MRLN: variants seen among roughly 807,000 people sequenced by gnomAD.
The protein encoded by MRLN is myoregulin.
chr10:59,737,949 C>T (rs768174558), intron 2 of MRLN: 4 of 152,028 alleles, frequency 2.6e-5, no homozygotes, highest in Non-Finnish European at 5.9e-5. Flanking sequence ...TTAAAATGAA[C>T]GTCAGTATCA....
intron 1 of MRLN, among the ~76,000 whole-genome samples, chr10:59,750,043 T>C (rs1053357596): frequency 1.4e-5 from 2 of 140,634 alleles, no homozygotes; most frequent in Non-Finnish European, 3.1e-5. Flanking sequence ...GGAACCTCCC[T>C]TGCTCTCTCT....
chr10:59,744,386 C>G (rs1177560518), intron 1 of MRLN: 1 of 152,110 alleles, frequency 6.6e-6, no homozygotes, highest in Non-Finnish European at 1.4e-5. Context: ...TGTCTCTGAC[C>G]AGCTGCTCCG....
chr10:59,743,875 G>A (rs939635996), intron 1 of MRLN, among the ~76,000 whole-genome samples: 2 of 152,122 alleles, frequency 1.3e-5, no homozygotes, highest in Non-Finnish European at 2.9e-5. Flanking sequence ...CATGTTGGCC[G>A]GGCTGGTCTC....
chr10:59,748,292 G>A (rs1450818760), intron 1 of MRLN, among the ~76,000 whole-genome samples: 1 of 152,058 alleles, frequency 6.6e-6, no homozygotes, highest in African/African-American at 2.4e-5. Context: ...ATGGTAAATG[G>A]ATTTTTTGTG....
At chr10:59,737,649 A>C (rs1356878864) in intron 2 of MRLN, among the ~76,000 whole-genome samples, 5 of 124,378 alleles carry the variant, frequency 4.0e-5, no homozygotes, top group South Asian at 2.5e-4. Flanking sequence ...GGTACTGATC[A>C]AAAAAAAAAA....
intron 1 of MRLN, among the ~76,000 whole-genome samples, chr10:59,739,880 T>A (rs1840963409): frequency 6.6e-6 from 1 of 151,906 alleles, no homozygotes; most frequent in African/African-American, 2.4e-5. Context: ...GATCACAAGG[T>A]CGGGAGTTCA....
At chr10:59,752,496 C>T (rs2070168679) in intron 1 of MRLN, among the ~76,000 whole-genome samples, 1 of 152,146 alleles carries the variant, frequency 6.6e-6, no homozygotes, top group African/African-American at 2.4e-5. Context: ...TGTATGTGGT[C>T]CAAGCCAGGG....
At chr10:59,750,212 C>T (rs971510151) in intron 1 of MRLN, among the ~76,000 whole-genome samples, 1 of 151,844 alleles carries the variant, frequency 6.6e-6, no homozygotes, top group Non-Finnish European at 1.5e-5. Flanking sequence ...GCTGGGATTA[C>T]AGGCTCCCAC....
intron 1 of MRLN, among the ~76,000 whole-genome samples, chr10:59,751,069 C>A (rs1230297871): frequency 6.6e-6 from 1 of 152,168 alleles, no homozygotes; most frequent in Non-Finnish European, 1.5e-5. Context: ...AACACACACT[C>A]CTTGGTATAA....
chr10:59,752,416 TG>T (rs1420257640), intron 1 of MRLN, among the ~76,000 whole-genome samples: 2 of 152,232 alleles, frequency 1.3e-5, no homozygotes, highest in East Asian at 3.8e-4. Context: ...AAAGAGACTA[TG>T]ATTCTCATTT....
intron 1 of MRLN, among the ~76,000 whole-genome samples, chr10:59,742,591 T>C (rs1020905495): frequency 2.0e-5 from 3 of 152,204 alleles, no homozygotes; most frequent in Admixed American, 6.5e-5. Context: ...GTGGTTATAC[T>C]AGCAATCACT....
chr10:59,744,480 C>G lies in MRLN; in HGVS notation c.-124-5918G>C, dbSNP rs868686217. ...GCCGCGCCCGGCCAGCCGCCCCGTC[C>G]GGGAGGTGGGGGGCAGCCCCCGCCC... On this transcript the variant is annotated intron_variant, in intron 1 of 2. Transcript: ENST00000414264. Among the ~76,000 whole-genome samples the G allele has an allele frequency of 4.0e-3, 597 of 150,260 alleles. 4 individuals are homozygous for G. Among genetic ancestry groups the G allele is most frequent in the African/African-American group, 0.013 (545 of 40,876 alleles).
intron 1 of MRLN, among the ~76,000 whole-genome samples, chr10:59,752,857 C>T (rs904279967): frequency 6.6e-6 from 1 of 152,172 alleles, no homozygotes; most frequent in Non-Finnish European, 1.5e-5. Context: ...TGGAACAAGA[C>T]AGGTGCCCTC....
chr10:59,743,481 A>G (rs1363221367), intron 1 of MRLN, among the ~76,000 whole-genome samples: 1 of 152,162 alleles, frequency 6.6e-6, no homozygotes, highest in Non-Finnish European at 1.5e-5. Context: ...ACCATGAGGA[A>G]CAGGAACCAG....
intron 2 of MRLN, among the ~76,000 whole-genome samples, chr10:59,737,573 C>T (rs548767121): frequency 2.0e-4 from 30 of 147,480 alleles, no homozygotes; most frequent in African/African-American, 6.8e-4. Flanking sequence ...GGTGAAGCTG[C>T]TATTCCTCTA....
intron 1 of MRLN, among the ~76,000 whole-genome samples, chr10:59,743,551 A>ATTTGTCTC (rs1352536419): frequency 5.9e-5 from 9 of 152,136 alleles, no homozygotes; most frequent in African/African-American, 2.2e-4. Flanking sequence ...AAATAATTGG[A>ATTTGTCTC]AGGACACAAA....
At chr10:59,737,603 C>T (rs185528577) in intron 2 of MRLN, among the ~76,000 whole-genome samples, 85 of 145,950 alleles carry the variant, frequency 5.8e-4, no homozygotes, top group African/African-American at 2.0e-3. Context: ...ATTGGTGTTA[C>T]CAGGAAGTGA....
chr10:59,746,416 T>C (rs1190797504), intron 1 of MRLN, among the ~76,000 whole-genome samples: 3 of 152,214 alleles, frequency 2.0e-5, no homozygotes, highest in Non-Finnish European at 4.4e-5. Context: ...TGTGCCATAG[T>C]TTAGAAACTA....
At chr10:59,737,479 T>C (rs1287625409) in intron 2 of MRLN, among the ~76,000 whole-genome samples, 2 of 152,164 alleles carry the variant, frequency 1.3e-5, no homozygotes, top group African/African-American at 2.4e-5. Flanking sequence ...GGAACTTTCA[T>C]AGTGGCCATT....
Sources: allele counts gnomAD v4.1 joint callset (sites outside exome capture counted in the v4.1 genomes callset), GRCh38; gene constraint gnomAD v4.1.1; transcripts MANE v1.5; gene names NCBI Gene and HGNC (gene_info 2026-07-23, HGNC 2026-07-21).